PKD2L2: variants seen among roughly 807,000 people sequenced by gnomAD.
The protein encoded by PKD2L2 is polycystin 2 like 2, transient receptor potential cation channel.
A neutral mutation model predicts 83.9 loss-of-function variants in PKD2L2; 67 were observed. The observed-to-expected ratio is 0.80, with a 90% CI of 0.66 to 0.98. PKD2L2 has a LOEUF of 0.98. PKD2L2 is among the 50% of genes least tolerant of loss of function. PKD2L2 has a pLI of 0.00. For synonymous variants in PKD2L2, 223 were observed against 237.8 expected, an observed-to-expected ratio of 0.94 and a Z score of 0.57; for missense variants, 632 against 717.2, an observed-to-expected ratio of 0.88 and a Z score of 1.36.
intron 5 of PKD2L2, among the ~76,000 whole-genome samples, chr5:137,900,009 C>T (rs1324006892): frequency 1.3e-5 from 2 of 152,148 alleles, no homozygotes; most frequent in Non-Finnish European, 2.9e-5. Flanking sequence ...AGATACTCAT[C>T]TATTTTATTG....
intron 8 of PKD2L2, among the ~76,000 whole-genome samples, chr5:137,919,405 A>G (rs1034126815): frequency 1.3e-5 from 2 of 152,198 alleles, no homozygotes; most frequent in African/African-American, 4.8e-5. Flanking sequence ...TCTCCCTATT[A>G]CAGAGCAGAA....
Position 137,921,737 on chromosome 5 carries a change from T to C in PKD2L2, c.1430T>C (p.Phe477Ser). Residue 477 changes from phenylalanine to serine, a missense_variant, in exon 9 of 15, where the codon TTT becomes TCT. Physicochemically the swap from Phe to Ser is radical, Grantham distance 155 (BLOSUM62 -2). Transcript: ENST00000508883. Reference sequence around the variant, plus strand: ...ATTTACTTCATCACTTTCATCTTTTTTGTGTTCTTTGTCCTGCTGGTAAGA... The same window carrying C: ...ATTTACTTCATCACTTTCATCTTTTCTGTGTTCTTTGTCCTGCTGGTAAGA... ...GPIYFITFIF[F>S]VFFVLLNMFL... 6.2e-7 allele frequency: 1 copy of C among 1,607,490 alleles called. No homozygotes were observed.
At chr5:137,896,672 G>A (rs1357335758) in intron 4 of PKD2L2, among the ~76,000 whole-genome samples, 2 of 151,570 alleles carry the variant, frequency 1.3e-5, no homozygotes, top group Non-Finnish European at 2.9e-5. Context: ...TTGCTCTCCC[G>A]AAGAGCTGGA....
At chr5:137,920,367 T>C (rs1758781040) in intron 8 of PKD2L2, among the ~76,000 whole-genome samples, 1 of 152,196 alleles carries the variant, frequency 6.6e-6, no homozygotes, top group Non-Finnish European at 1.5e-5. Context: ...ACTGTGCTAC[T>C]CAAAGTCTTA....
intron 8 of PKD2L2, among the ~76,000 whole-genome samples, chr5:137,920,162 C>A (rs760706192): frequency 6.6e-6 from 1 of 152,106 alleles, no homozygotes; most frequent in Non-Finnish European, 1.5e-5. Flanking sequence ...AAGATCCCAC[C>A]ACTGCACTCC....
chr5:137,915,867 T>C (rs1246432576), intron 8 of PKD2L2, among the ~76,000 whole-genome samples: 1 of 152,248 alleles, frequency 6.6e-6, no homozygotes, highest in African/African-American at 2.4e-5. Flanking sequence ...AGAACTGTGT[T>C]CCTTCATATG....
chr5:137,924,661 C>G (rs1046436085), intron 10 of PKD2L2, among the ~76,000 whole-genome samples: 1 of 152,202 alleles, frequency 6.6e-6, no homozygotes, highest in Admixed American at 6.5e-5. Flanking sequence ...TAAAACAAAC[C>G]AAAAAAACTG....
rs1432629013 is a variant in PKD2L2, at chr5:137,906,194, C to A, written c.747-12C>A. The A allele has an allele frequency of 1.9e-6, 3 of 1,542,562 alleles. No individual in the cohort carries two copies. In the Admixed American group the frequency reaches 5.4e-5, roughly 28 times the overall value. On this transcript the variant is annotated splice_polypyrimidine_tract_variant and intron_variant, in intron 5 of 14. Coordinates refer to ENST00000508883, the MANE Select transcript of PKD2L2 (RefSeq NM_001300921.2). ...GAAATGAACAGTTGCTTTCACAAAC[C>A]TGATTTTACAGATTGGTGGCAGAAT...
chr5:137,912,578 G>T (rs1159197533), intron 8 of PKD2L2, among the ~76,000 whole-genome samples: 1 of 151,846 alleles, frequency 6.6e-6, no homozygotes, highest in African/African-American at 2.4e-5. Flanking sequence ...TGTTAGCCAG[G>T]CTGGTCTCGA....
chr5:137,897,011 A>G (rs913076221), intron 4 of PKD2L2, among the ~76,000 whole-genome samples: 2 of 145,336 alleles, frequency 1.4e-5, no homozygotes, highest in Admixed American at 7.1e-5. Context: ...GAATACATTC[A>G]TAAGTATGAT....
chr5:137,921,475 TTTCTACATC>T (rs1758900869), intron 8 of PKD2L2, among the ~76,000 whole-genome samples, 152 bp from the exon 9 acceptor site: 1 of 152,152 alleles, frequency 6.6e-6, no homozygotes. Flanking sequence ...TTAGGGGAAT[TTTCTACATC>T]CAATTTTACA....
chr5:137,895,895 G>T (rs113090396), intron 4 of PKD2L2, among the ~76,000 whole-genome samples: 23,986 of 144,364 alleles, frequency 0.17, 2,033 homozygotes, highest in Non-Finnish European at 0.18. Flanking sequence ...AAAAAAAAAA[G>T]GCCAAGTGTG....
intron 14 of PKD2L2, chr5:137,940,123 T>C (rs1761201545): frequency 1.2e-6 from 2 of 1,614,110 alleles, no homozygotes; most frequent in East Asian, 2.2e-5. Context: ...TGAGATTCTC[T>C]GAGTGCCTGA....
chr5:137,890,324 T>C, intron 1 of PKD2L2, 157 bp from the exon 2 acceptor site: 1 of 557,358 alleles, frequency 1.8e-6, no homozygotes, highest in East Asian at 3.3e-5. Context: ...AAAAAAATTA[T>C]CCCTGCCTCG....
chr5:137,929,534 C>CAAAAAAAAA (rs756601170), intron 12 of PKD2L2, among the ~76,000 whole-genome samples: 6 of 3,438 alleles, frequency 1.7e-3, no homozygotes, highest in Admixed American at 6.8e-3. Context: ...ACAAAATTGC[C>CAAAAAAAAA]AAAAAAAAAA....
At chr5:137,929,202 C>G (rs1759630554) in intron 12 of PKD2L2, among the ~76,000 whole-genome samples, 1 of 152,076 alleles carries the variant, frequency 6.6e-6, no homozygotes, top group African/African-American at 2.4e-5. Flanking sequence ...TGGCTCATGC[C>G]TGTAATTCCA....
chr5:137,892,570 G>A lies in PKD2L2; in HGVS notation c.224G>A (p.Arg75Lys). The change falls in exon 3 of 15, where the codon AGA becomes AAA. Residue 75 changes from arginine (R) to lysine (K), a missense_variant. By Grantham distance (26) the Arg-to-Lys change is conservative (BLOSUM62 2). This residue lies in a region of PKD2L2 where 229 missense variants were observed against 281.5 expected (regional missense o/e 0.81). Transcript: ENST00000508883. Reference protein sequence around the residue: ...FLDTSVPGEERTNFKSIRSIT... With the variant: ...FLDTSVPGEEKTNFKSIRSIT... ...GACACTTCTGTGCCTGGTGAAGAAAGAACCAACTTTAAGTCCATTCGCAGC... is the reference window on the plus strand; with the variant it reads ...GACACTTCTGTGCCTGGTGAAGAAAAAACCAACTTTAAGTCCATTCGCAGC... 1 of 1,612,294 alleles carries A rather than the reference G, an allele frequency of 6.2e-7. No homozygotes were observed. The highest frequency in any genetic ancestry group is 1.1e-5 in the South Asian group (1 of 90,658).
intron 12 of PKD2L2, among the ~76,000 whole-genome samples, chr5:137,926,266 T>C (rs1041077965): frequency 2.0e-5 from 3 of 152,118 alleles, no homozygotes; most frequent in Non-Finnish European, 2.9e-5. Context: ...ACTTTAACAA[T>C]TTTGTATTTC....
At position 137,907,797 on chromosome 5, in the gene PKD2L2, T is replaced by C; in HGVS notation, c.1031T>C (p.Leu344Ser). The C allele has an allele frequency of 6.3e-7, 1 of 1,592,436 alleles. No homozygotes were observed. The highest frequency in any genetic ancestry group is 2.2e-5 in the East Asian group (1 of 44,584). ...NTYYNVQIFL[L>S]LGQLLKSTEK... ...TACTATAATGTACAAATTTTTCTCT[T>C]ACTTGGACAGCTGTTGAAAAGTACT... is the stretch of plus-strand genomic sequence containing the variant. The change falls in exon 7 of 15, where the codon TTA (leucine) becomes TCA (serine). Residue 344 changes from leucine (L) to serine (S), a missense_variant. Leu to Ser is a moderately radical substitution (Grantham distance 145). Coordinates refer to ENST00000508883, the MANE Select transcript of PKD2L2 (RefSeq NM_001300921.2).
Sources: allele counts gnomAD v4.1 joint callset (sites outside exome capture counted in the v4.1 genomes callset), GRCh38; gene constraint gnomAD v4.1.1; regional missense constraint gnomAD v4.1.1; transcripts MANE v1.5; gene names NCBI Gene and HGNC (gene_info 2026-07-23, HGNC 2026-07-21).